Variants in ARFGAP3 observed in about 807,000 individuals in gnomAD.
ARFGAP3 encodes the protein ADP-ribosylation factor GTPase-activating protein 3.
ARFGAP3 carries 72 observed loss-of-function variants against 75.0 expected under a neutral mutation model. That is an observed-to-expected ratio of 0.96 (90% CI 0.79 to 1.17). The LOEUF (loss-of-function observed/expected upper bound fraction) is 1.17. ARFGAP3 is among the 50% of genes most tolerant of loss of function. The pLI, the probability that ARFGAP3 is intolerant of heterozygous loss-of-function variation, is 0.00. For missense variants in ARFGAP3, 620 were observed against 626.6 expected (o/e 0.99, Z 0.11); for synonymous variants, 221 against 217.9 (o/e 1.01, Z -0.13).
chr22:42,853,406 C>T (rs1927365630), intron 1 of ARFGAP3: 1 of 219,336 alleles, frequency 4.6e-6, no homozygotes, highest in South Asian at 7.9e-5. Flanking sequence ...TCCTTTTTCA[C>T]TTCTTCACCA....
At chr22:42,807,418 A>G (rs1440692628) in intron 13 of ARFGAP3, 1 of 229,528 alleles carries the variant, frequency 4.4e-6, no homozygotes, top group Non-Finnish European at 7.2e-6. Flanking sequence ...AGGCCGTCGG[A>G]GTGAGGGAGG....
At chr22:42,842,675 C>G (rs1184542564) in intron 2 of ARFGAP3, among the ~76,000 whole-genome samples, 1 of 151,992 alleles carries the variant, frequency 6.6e-6, no homozygotes, top group African/African-American at 2.4e-5. Context: ...TCTCGAACTC[C>G]TGGCCTCAAG....
In ARFGAP3 at chr22:42,822,408, A is replaced by G; in HGVS notation, c.674T>C (p.Leu225Pro). The G allele has an allele frequency of 6.2e-7, 1 of 1,613,696 alleles. No homozygotes were observed. The highest frequency in any genetic ancestry group is 8.5e-7 in the Non-Finnish European group (1 of 1,179,936). The change falls in exon 9 of 16, where the codon CTT becomes CCT. Residue 225 changes from leucine (L) to proline (P), a missense_variant and splice_region_variant. Transcript: ENST00000263245. ...TCCCAAACTTCCTTTTTTGGCCCCA[A>G]GCTAGAACATATATAAGACTATAGT... ...KKKPNQAKKG[L>P]GAKKGSLGAQ...
At chr22:42,813,091 G>A (rs2146536850) in intron 11 of ARFGAP3, among the ~76,000 whole-genome samples, 1 of 152,360 alleles carries the variant, frequency 6.6e-6, no homozygotes, top group South Asian at 2.1e-4. Context: ...CACCATGAAA[G>A]AACTAAGATC....
intron 7 of ARFGAP3, among the ~76,000 whole-genome samples, chr22:42,826,383 CTTT>C (rs113925697): frequency 2.1e-5 from 3 of 142,090 alleles, no homozygotes; most frequent in Admixed American, 7.1e-5. Context: ...CACATTGCTG[CTTT>C]TTTTTTTTTT....
intron 4 of ARFGAP3, 116 bp downstream of exon 4, chr22:42,835,246 A>G (rs1205647155): frequency 8.3e-7 from 1 of 1,200,528 alleles, no homozygotes; most frequent in East Asian, 2.4e-5. Context: ...TCTACTGTAC[A>G]CTAATTCCTT....
Position 42,808,775 on chromosome 22 carries a change from G to A in ARFGAP3, c.1312C>T (p.Gln438Ter). ...SSDMYFGRQS[Q>*]ADYETRARLE... ...ACTCTCTGGACCCTTACATCAGCCT[G>A]GGATTGTCTTCCAAAATACATATCT... is the stretch of plus-strand genomic sequence containing the variant. The change falls in exon 13 of 16, where the codon CAG (glutamine) becomes TAG (stop). Residue 438 changes from glutamine (Q) to a stop codon, truncating the protein, a stop_gained. Transcript: ENST00000263245. LOFTEE classifies it high-confidence loss of function. 1 of 1,611,378 alleles carries A rather than the reference G, an allele frequency of 6.2e-7. No individual in the cohort carries two copies. Among genetic ancestry groups the A allele is most frequent in the Non-Finnish European group, 8.5e-7 (1 of 1,178,404 alleles).
chr22:42,799,824 T>C (rs1249169718), intron 14 of ARFGAP3, among the ~76,000 whole-genome samples: 1 of 152,172 alleles, frequency 6.6e-6, no homozygotes, highest in Non-Finnish European at 1.5e-5. Context: ...GTGAGCCAAA[T>C]AGATGCATCA....
chr22:42,827,062 TATA>T (rs1305257219), intron 6 of ARFGAP3, 63 bp from the exon 7 acceptor site: 9 of 1,588,276 alleles, frequency 5.7e-6, no homozygotes, highest in South Asian at 1.1e-5. Flanking sequence ...CTTTTGAATA[TATA>T]ATAATTCAAC....
chr22:42,854,943 C>T (rs1697196018), intron 1 of ARFGAP3, among the ~76,000 whole-genome samples: 1 of 137,712 alleles, frequency 7.3e-6, no homozygotes, highest in African/African-American at 2.7e-5. Flanking sequence ...TTTTATTAAT[C>T]TTATTACAGA....
At chr22:42,856,370 C>T (rs1927498565) in intron 1 of ARFGAP3, among the ~76,000 whole-genome samples, 1 of 152,300 alleles carries the variant, frequency 6.6e-6, no homozygotes, top group East Asian at 1.9e-4. Flanking sequence ...CACGCTGACG[C>T]GACAGCCCTT....
chr22:42,842,933 C>T (rs1926848928), intron 2 of ARFGAP3, among the ~76,000 whole-genome samples: 4 of 152,114 alleles, frequency 2.6e-5, no homozygotes, highest in Admixed American at 2.6e-4. Context: ...ATGTGCCAGG[C>T]TGTATGGGGC....
At chr22:42,828,950 G>A (rs1174643745) in intron 6 of ARFGAP3, among the ~76,000 whole-genome samples, 1 of 152,138 alleles carries the variant, frequency 6.6e-6, no homozygotes, top group African/African-American at 2.4e-5. Flanking sequence ...CATCCAAAGT[G>A]TTGGGATTAT....
chr22:42,840,676 G>A (rs1018577070), intron 3 of ARFGAP3, among the ~76,000 whole-genome samples: 3 of 151,936 alleles, frequency 2.0e-5, no homozygotes, highest in African/African-American at 7.3e-5. Flanking sequence ...TGATCCGCCC[G>A]CCTCAGCCTC....
At chr22:42,837,027 T>C (rs1926548902) in intron 3 of ARFGAP3, among the ~76,000 whole-genome samples, 1 of 152,182 alleles carries the variant, frequency 6.6e-6, no homozygotes, top group Non-Finnish European at 1.5e-5. Flanking sequence ...TGGCTTGAGA[T>C]GAGAAAGCTC....
intron 14 of ARFGAP3, among the ~76,000 whole-genome samples, chr22:42,805,760 C>T (rs1256487442): frequency 6.6e-6 from 1 of 152,232 alleles, no homozygotes; most frequent in Non-Finnish European, 1.5e-5. Flanking sequence ...TGCGCACCCC[C>T]AGGCACCCTC....
At chr22:42,821,581 A>G (rs569897992) in intron 9 of ARFGAP3, among the ~76,000 whole-genome samples, 13 of 152,382 alleles carry the variant, frequency 8.5e-5, no homozygotes, top group Middle Eastern at 3.4e-3. Context: ...TGGCTGAGTA[A>G]TAGTCCATTG....
At chr22:42,849,560 CTTTTT>C (rs58141557) in intron 1 of ARFGAP3, among the ~76,000 whole-genome samples, 14 of 127,974 alleles carry the variant, frequency 1.1e-4, no homozygotes, top group Non-Finnish European at 1.6e-4. Flanking sequence ...TGCTTTATGG[CTTTTT>C]TTTTTTTTTT....
chr22:42,811,067 C>T, intron 11 of ARFGAP3, 123 bp from the exon 12 acceptor site: 2 of 1,442,428 alleles, frequency 1.4e-6, no homozygotes, highest in Non-Finnish European at 1.8e-6. Context: ...ATAACTAGGT[C>T]TAGCCAATGA....
Sources: gnomAD v4.1 joint callset for allele counts (sites outside exome capture counted in the v4.1 genomes callset) on GRCh38, gnomAD v4.1.1 for gene constraint, MANE v1.5 for transcripts, NCBI Gene and HGNC (gene_info 2026-07-23, HGNC 2026-07-21) for gene names.